The following CDH23 variants were observed in gnomAD, a reference collection of about 807,000 sequenced individuals.
CDH23 encodes cadherin related 23.
A neutral mutation model predicts 317.1 loss-of-function variants in CDH23; 189 were observed. That is an observed-to-expected ratio of 0.60 (90% CI 0.53 to 0.67). The LOEUF (loss-of-function observed/expected upper bound fraction) is 0.67. Among genes scored for constraint, CDH23 ranks in the 30% least tolerant of loss-of-function variants. CDH23 has a pLI of 0.00. For missense variants in CDH23, 4,401 were observed against 4,592.4 expected, an observed-to-expected ratio of 0.96 and a Z score of 1.20; for synonymous variants, 1,839 against 1,876.8, an observed-to-expected ratio of 0.98 and a Z score of 0.52.
At chr10:71,773,312 G>A in intron 38 of CDH23, 1 of 1,556,822 alleles carries the variant, frequency 6.4e-7, no homozygotes, top group African/African-American at 1.4e-5. Context: ...CCAGTCTGCT[G>A]TCTTCTCCCA....
At chr10:71,574,413 G>GC (rs1302224835) in intron 8 of CDH23, among the ~76,000 whole-genome samples, 3 of 152,182 alleles carry the variant, frequency 2.0e-5, no homozygotes, top group Admixed American at 1.3e-4. Flanking sequence ...GCCAGCCGAT[G>GC]CCTATCAGCC....
At chr10:71,594,371 C>G (rs1169087887) in intron 9 of CDH23, among the ~76,000 whole-genome samples, 2 of 152,172 alleles carry the variant, frequency 1.3e-5, no homozygotes, top group South Asian at 2.1e-4. Context: ...CTCTCTCTCT[C>G]TCTCTGTCTC....
At chr10:71,713,321 AC>A in intron 28 of CDH23, 1 of 778,106 alleles carries the variant, frequency 1.3e-6, no homozygotes, top group Non-Finnish European at 2.4e-6. Flanking sequence ...GACCCTGAAA[AC>A]AATTTGGGTG....
At chr10:71,436,019 C>A (rs1011080795) in intron 1 of CDH23, among the ~76,000 whole-genome samples, 1 of 152,274 alleles carries the variant, frequency 6.6e-6, no homozygotes, top group African/African-American at 2.4e-5. Flanking sequence ...TCAGGGAAAA[C>A]CCAGCAGCAG....
At chr10:71,580,057 C>A (rs1351681077) in intron 9 of CDH23, among the ~76,000 whole-genome samples, 3 of 152,214 alleles carry the variant, frequency 2.0e-5, no homozygotes, top group Non-Finnish European at 2.9e-5. Flanking sequence ...CCTGCAGAGA[C>A]CCTGTGAGCC....
At chr10:71,784,205 T>A (rs1276435842) in intron 41 of CDH23, 82 bp from the exon 42 acceptor site, 2 of 1,471,302 alleles carry the variant, frequency 1.4e-6, no homozygotes, top group Non-Finnish European at 1.8e-6. Context: ...TGAGGCTTGC[T>A]AGAGGAAGCA....
In CDH23 at chr10:71,397,253, G is replaced by T. The variant is rs1847559766; in HGVS notation, c.-71G>T. The T allele has an allele frequency of 5.0e-6, 1 of 198,982 alleles. No homozygotes were observed. The highest frequency in any genetic ancestry group is 2.4e-5 in the African/African-American group (1 of 40,972). The allele number at this position is 198,982 out of a possible 1,614,324, so 12.3% of individuals were successfully genotyped here. ...GGGCCAGAGCAGGCGGCCCGCGGGGGCCGATCCGGCGGAGAGCAGAGCCCG... is the reference window on the plus strand; with the variant it reads ...GGGCCAGAGCAGGCGGCCCGCGGGGTCCGATCCGGCGGAGAGCAGAGCCCG... On this transcript the variant is annotated 5_prime_UTR_variant, in exon 1 of 70. Coordinates refer to ENST00000224721, the MANE Select transcript of CDH23 (RefSeq NM_022124.6). This position sits in a 1 kb window ranked among gnomAD's most constrained non-coding sequence, Gnocchi z 4.8.
At chr10:71,407,077 A>G (rs1848127629) in intron 1 of CDH23, among the ~76,000 whole-genome samples, 1 of 152,192 alleles carries the variant, frequency 6.6e-6, no homozygotes, top group Non-Finnish European at 1.5e-5. Flanking sequence ...AGGTTACGCA[A>G]TTTGCCCAAA....
At chr10:71,605,710 T>C (rs1310262827) in intron 9 of CDH23, among the ~76,000 whole-genome samples, 2 of 152,254 alleles carry the variant, frequency 1.3e-5, no homozygotes, top group African/African-American at 4.8e-5. Flanking sequence ...GCATCTCTTC[T>C]GCAACGTTTT....
intron 28 of CDH23, among the ~76,000 whole-genome samples, chr10:71,723,638 G>C (rs1045733948): frequency 7.9e-5 from 12 of 152,198 alleles, no homozygotes; most frequent in Non-Finnish European, 1.3e-4. Flanking sequence ...GGAAATGCGG[G>C]CAAGAAGTAG....
rs1847553431 is a variant in CDH23, at chr10:71,397,138, G to T, written c.-186G>T. The T allele has an allele frequency of 5.4e-6, 1 of 184,846 alleles. No homozygotes were observed. The allele number at this position is 184,846 out of a possible 1,614,324, so 11.5% of individuals were successfully genotyped here. ...GCGCCTGAAGTTGCGAGCGGCGAGCGGCGAGCGGCGAGCGGCCCGCGGAGA... is the reference window on the plus strand; with the variant it reads ...GCGCCTGAAGTTGCGAGCGGCGAGCTGCGAGCGGCGAGCGGCCCGCGGAGA... On this transcript the variant is annotated 5_prime_UTR_variant, in exon 1 of 70. Transcript: ENST00000224721. The surrounding 1 kb of genome is among the most constrained non-coding windows in gnomAD (Gnocchi z 4.8).
At position 71,740,885 on chromosome 10, in the gene CDH23, C is replaced by G. The variant is rs754616253; in HGVS notation, c.4552C>G (p.Leu1518Val). Reference protein sequence around the residue: ...KKDHILQVTILDINDNPPVIE... With the variant: ...KKDHILQVTIVDINDNPPVIE... ...GGACCACATCCTGCAGGTGACCATC[C>G]TGGACATCAATGACAACCCTCCAGT... Residue 1518 changes from leucine to valine, a missense_variant, in exon 37 of 70, where the codon CTG (leucine) becomes GTG (valine). Physicochemically the swap from Leu to Val is conservative, Grantham distance 32 (BLOSUM62 1). Transcript: ENST00000224721. 1 of 1,614,008 alleles carries G rather than the reference C, an allele frequency of 6.2e-7. No homozygotes were observed. The highest frequency in any genetic ancestry group is 2.2e-5 in the East Asian group (1 of 44,878).
chr10:71,695,881 T>G (rs1163760789), intron 22 of CDH23, among the ~76,000 whole-genome samples: 1 of 151,988 alleles, frequency 6.6e-6, no homozygotes, highest in East Asian at 1.9e-4. Flanking sequence ...ACCCCTACAC[T>G]GCACAAGCCC....
At chr10:71,793,157 C>T in intron 47 of CDH23, 25 bp from the exon 48 acceptor site, 1 of 1,570,728 alleles carries the variant, frequency 6.4e-7, no homozygotes, top group Non-Finnish European at 8.7e-7. Context: ...CTGTGCGCAG[C>T]TACTCCCTTT....
intron 1 of CDH23, among the ~76,000 whole-genome samples, chr10:71,405,341 C>G (rs1474900880): frequency 6.6e-6 from 1 of 152,032 alleles, no homozygotes; most frequent in Non-Finnish European, 1.5e-5. Context: ...TCCAGGGAAC[C>G]AGTGGCAATG....
Position 71,725,010 on chromosome 10 carries a change from G to T in CDH23, c.3431-362G>T, listed in dbSNP as rs139549269. 4.6e-3 allele frequency among the ~76,000 whole-genome samples: 697 copies of T among 152,314 alleles called. 3 individuals carry two copies. Among genetic ancestry groups the T allele is most frequent in the Non-Finnish European group, 7.0e-3 (475 of 68,028 alleles). ...CAGTCCCTCTTTTTGGAGTGCCCCA[G>T]GTTCTTCTGAAATATTAAAAAGGCC... On this transcript the variant is annotated intron_variant, in intron 29 of 69. Transcript: ENST00000224721.
intron 17 of CDH23, 37 bp from the exon 18 acceptor site, chr10:71,682,405 TCTG>T: frequency 6.2e-7 from 1 of 1,605,312 alleles, no homozygotes; most frequent in Non-Finnish European, 8.5e-7. Flanking sequence ...GCATCTCAAG[TCTG>T]CTTACAGAGG....
rs1283597158 is a variant in CDH23 at position 71,760,198 on chromosome 10, CAT to C, written c.4846-17475_4846-17474del. On this transcript the variant is annotated intron_variant, in intron 38 of 69. Transcript: ENST00000224721. ...ATATGTGTGTATATATATGTATATA[CAT>C]ATATATGTGTGTATATATGTGTATA... Among the ~76,000 whole-genome samples, 2 of 49,886 alleles carry C rather than the reference CAT, an allele frequency of 4.0e-5. 1 individual carries two copies. Among genetic ancestry groups the C allele is most frequent in the Non-Finnish European group, 6.9e-5 (2 of 28,826 alleles). 32.7% of individuals were successfully genotyped at this position (49,886 alleles called of 152,430 possible).
chr10:71,469,813 G>A (rs1283421754), intron 3 of CDH23, among the ~76,000 whole-genome samples: 1 of 152,000 alleles, frequency 6.6e-6, no homozygotes, highest in Non-Finnish European at 1.5e-5. Flanking sequence ...ACATGTTGGC[G>A]AGGCTGGTCT....
Sources: gnomAD v4.1 joint callset for allele counts (sites outside exome capture counted in the v4.1 genomes callset) on GRCh38, gnomAD v4.1.1 for gene constraint, Gnocchi (gnomAD v3.1) non-coding constraint, MANE v1.5 for transcripts, NCBI Gene and HGNC (gene_info 2026-07-23, HGNC 2026-07-21) for gene names.